The following NUP214 variants were observed in gnomAD, a reference collection of about 807,000 sequenced individuals.
NUP214 encodes nucleoporin 214.
In NUP214, 79 loss-of-function variants were observed where a neutral mutation model predicts 196.2. The observed-to-expected ratio is 0.40, with a 90% CI of 0.34 to 0.49. The LOEUF (loss-of-function observed/expected upper bound fraction) is 0.49. Among genes scored for constraint, NUP214 ranks in the 20% least tolerant of loss-of-function variants. The pLI, the probability that NUP214 is intolerant of heterozygous loss-of-function variation, is 0.58. For missense variants in NUP214, 2,468 were observed against 2,539.0 expected (o/e 0.97, Z 0.60); for synonymous variants, 1,020 against 990.5 (o/e 1.03, Z -0.56).
intron 21 of NUP214, among the ~76,000 whole-genome samples, chr9:131,173,071 A>T (rs1403561869): frequency 6.6e-6 from 1 of 152,074 alleles, no homozygotes; most frequent in Non-Finnish European, 1.5e-5. Flanking sequence ...TCTTGTTGTT[A>T]TTTGAGAAGG....
At position 131,228,194 on chromosome 9, in the gene NUP214, T is replaced by A; in HGVS notation, c.5937T>A (p.Pro1979=). The A allele has an allele frequency of 1.9e-6, 3 of 1,601,174 alleles. No homozygotes were observed. Among genetic ancestry groups the A allele is most frequent in the Non-Finnish European group, 2.6e-6 (3 of 1,175,090 alleles). The change falls in exon 33 of 36, where the codon CCT becomes CCA. Residue 1979 remains proline (P), a synonymous_variant. Transcript: ENST00000359428. ...GFGAAPVFGS[P]PTFGGSPGFG... is the part of the protein sequence containing the mutation. Reference sequence around the variant, plus strand: ...GTGCTGCTCCAGTGTTTGGCAGCCCTCCTACTTTTGGGGGATCCCCTGGGT... The same window carrying A: ...GTGCTGCTCCAGTGTTTGGCAGCCCACCTACTTTTGGGGGATCCCCTGGGT...
At chr9:131,183,421 A>G (rs931313226) in intron 24 of NUP214, among the ~76,000 whole-genome samples, 1 of 152,228 alleles carries the variant, frequency 6.6e-6, no homozygotes, top group Non-Finnish European at 1.5e-5. Flanking sequence ...AGAAGAAAAA[A>G]GTTTACATGT....
At chr9:131,212,318 C>T (rs147275861) in intron 30 of NUP214, among the ~76,000 whole-genome samples, 10 of 152,266 alleles carry the variant, frequency 6.6e-5, no homozygotes, top group Middle Eastern at 3.4e-3. Context: ...CCTGTGATCT[C>T]GCTCTGCCCC....
At chr9:131,139,925 C>A (rs1831856750) in intron 10 of NUP214, among the ~76,000 whole-genome samples, 3 of 152,124 alleles carry the variant, frequency 2.0e-5, no homozygotes, top group African/African-American at 7.2e-5. Context: ...TGTAAAAGTG[C>A]CACAAAAGAA....
intron 31 of NUP214, 107 bp downstream of exon 31, chr9:131,215,475 G>A: frequency 3.2e-6 from 4 of 1,237,194 alleles, no homozygotes; most frequent in Middle Eastern, 3.0e-4. Flanking sequence ...AAAAAATCTA[G>A]AAGGCTCATT....
At chr9:131,147,365 A>C (rs1374419034) in intron 13 of NUP214, 125 bp from the exon 14 acceptor site, 6 of 701,138 alleles carry the variant, frequency 8.6e-6, no homozygotes, top group Non-Finnish European at 1.5e-5. Context: ...CTTTAAAATA[A>C]ATCATGAAAG....
chr9:131,138,331 GC>G (rs1831804844), intron 9 of NUP214, among the ~76,000 whole-genome samples: 1 of 149,162 alleles, frequency 6.7e-6, no homozygotes, highest in Non-Finnish European at 1.5e-5. Flanking sequence ...TGATTATCCT[GC>G]CTCAGCCTCC....
In NUP214 at chr9:131,150,350, A is replaced by T; in HGVS notation, c.2067A>T (p.Ala689=). 6.2e-7 allele frequency: 1 copy of T among 1,614,194 alleles called. No homozygotes were observed. The change falls in exon 15 of 36, where the codon GCA becomes GCT. Residue 689 remains alanine, a synonymous_variant. Coordinates refer to ENST00000359428, the MANE Select transcript of NUP214 (RefSeq NM_005085.4). ...CAAAGTCACTTCAGCCTGCTGTTGC[A>T]GAAAAGCAGGGACATCAGTGGAAAG... is the stretch of plus-strand genomic sequence containing the variant. ...PQAKSLQPAV[A]EKQGHQWKDS...
At chr9:131,157,974 G>T (rs1249009620) in intron 17 of NUP214, among the ~76,000 whole-genome samples, 2 of 152,076 alleles carry the variant, frequency 1.3e-5, no homozygotes, top group East Asian at 3.9e-4. Flanking sequence ...GTAGAGATGG[G>T]GTTTCACCAT....
chr9:131,166,210 C>G (rs1420503327), intron 21 of NUP214, among the ~76,000 whole-genome samples: 1 of 152,186 alleles, frequency 6.6e-6, no homozygotes, highest in Non-Finnish European at 1.5e-5. Flanking sequence ...ATTCTTTGAA[C>G]ACATGCCTTA....
intron 30 of NUP214, among the ~76,000 whole-genome samples, chr9:131,210,196 T>C (rs780039387): frequency 6.4e-4 from 97 of 152,270 alleles, no homozygotes; most frequent in Admixed American, 3.3e-3. Context: ...ATTTTTAAAA[T>C]CAGCAAAAAC....
At chr9:131,140,430 T>C (rs774857810) in intron 10 of NUP214, 119 bp from the exon 11 acceptor site, 1 of 773,404 alleles carries the variant, frequency 1.3e-6, no homozygotes, top group Non-Finnish European at 2.1e-6. Context: ...ACAAACTAAC[T>C]TGAGCTGCTA....
At position 131,132,084 on chromosome 9, in the gene NUP214, TGTTCATGC is replaced by T. The variant is rs1264781254; in HGVS notation, c.664-500_664-493del. On this transcript the variant is annotated intron_variant, in intron 5 of 35. Coordinates refer to ENST00000359428, the MANE Select transcript of NUP214 (RefSeq NM_005085.4). ...TACTCTCATTACCTATATCTGAACATGTTCATGCGTTCATGCGTTTCTTTTCTTTTCTT... is the reference window on the plus strand; with the variant it reads ...TACTCTCATTACCTATATCTGAACATGTTCATGCGTTTCTTTTCTTTTCTT... Among the ~76,000 whole-genome samples, 22 of 151,854 alleles carry T rather than the reference TGTTCATGC, an allele frequency of 1.4e-4. No homozygotes were observed. In the East Asian group the frequency reaches 1.7e-3, roughly 12 times the overall value.
chr9:131,146,099 T>C lies in NUP214; in HGVS notation c.1770-30T>C. ...TGTAAAAGAATCTTCTAGCAGGCTC[T>C]TCTGAGGCCTTCAGGCTGCCATTTT... On this transcript the variant is annotated intron_variant, in intron 12 of 35. Coordinates refer to ENST00000359428, the MANE Select transcript of NUP214 (RefSeq NM_005085.4). This position sits in a 1 kb window ranked among gnomAD's most constrained non-coding sequence, Gnocchi z 4.6. 3 of 1,611,256 alleles carry C rather than the reference T, an allele frequency of 1.9e-6. No homozygotes were observed. Among genetic ancestry groups the C allele is most frequent in the Non-Finnish European group, 2.5e-6 (3 of 1,177,584 alleles).
rs138262891 is a variant in NUP214 at position 131,155,694 on chromosome 9, T to C, written c.2437-3689T>C. On this transcript the variant is annotated intron_variant, in intron 17 of 35. Transcript: ENST00000359428. ...GAGGATCCAGTTTCATTCTTTTACATGTGGCTTGCCAATTATCCCAGCACT... is the reference window on the plus strand; with the variant it reads ...GAGGATCCAGTTTCATTCTTTTACACGTGGCTTGCCAATTATCCCAGCACT... 4.8e-3 allele frequency among the ~76,000 whole-genome samples: 738 copies of C among 152,336 alleles called. 1 individual carries two copies. Among genetic ancestry groups the C allele is most frequent in the Non-Finnish European group, 7.6e-3 (514 of 68,030 alleles).
intron 35 of NUP214, 97 bp from the exon 36 acceptor site, chr9:131,233,357 C>CT: frequency 8.0e-7 from 1 of 1,248,214 alleles, no homozygotes; most frequent in East Asian, 2.5e-5. Context: ...AATAAAAAAT[C>CT]TGAGTCCTGA....
Position 131,182,192 on chromosome 9 carries a change from G to A in NUP214, c.3419+3782G>A, listed in dbSNP as rs1367865843. Among the ~76,000 whole-genome samples, 4 of 152,342 alleles carry A rather than the reference G, an allele frequency of 2.6e-5. No homozygotes were observed. The South Asian group carries it at 8.3e-4, about 32-fold the overall frequency. ...AAAAATGGTTACTTTTAAGATGGCAGATTTTGTTAAGTGTATTTTACCACA... is the reference window on the plus strand; with the variant it reads ...AAAAATGGTTACTTTTAAGATGGCAAATTTTGTTAAGTGTATTTTACCACA... On this transcript the variant is annotated intron_variant, in intron 24 of 35. Transcript: ENST00000359428.
Position 131,146,104 on chromosome 9 carries a change from A to G in NUP214, c.1770-25A>G. The G allele has an allele frequency of 6.2e-7, 1 of 1,612,624 alleles. No individual in the cohort carries two copies. The highest frequency in any genetic ancestry group is 8.5e-7 in the Non-Finnish European group (1 of 1,178,758). ...AAGAATCTTCTAGCAGGCTCTTCTG[A>G]GGCCTTCAGGCTGCCATTTTTCAGG... On this transcript the variant is annotated intron_variant, in intron 12 of 35. Transcript: ENST00000359428. The surrounding 1 kb of genome is among the most constrained non-coding windows in gnomAD (Gnocchi z 4.6).
chr9:131,176,017 G>GTAT (rs1266241996), intron 23 of NUP214, among the ~76,000 whole-genome samples: 3 of 152,040 alleles, frequency 2.0e-5, no homozygotes, highest in Non-Finnish European at 4.4e-5. Flanking sequence ...CAAGAGGTAG[G>GTAT]TATTTGAATG....
Sources: gnomAD v4.1 joint callset for allele counts (sites outside exome capture counted in the v4.1 genomes callset) on GRCh38, gnomAD v4.1.1 for gene constraint, Gnocchi (gnomAD v3.1) non-coding constraint, MANE v1.5 for transcripts, NCBI Gene and HGNC (gene_info 2026-07-23, HGNC 2026-07-21) for gene names.